The following CPLX2 variants were observed in gnomAD, a reference collection of about 807,000 sequenced individuals.
CPLX2 encodes the protein complexin-2.
CPLX2 carries 5 observed loss-of-function variants against 16.3 expected under a neutral mutation model. The observed-to-expected ratio is 0.31, with a 90% CI of 0.16 to 0.64. CPLX2 has a LOEUF of 0.64. Among genes scored for constraint, CPLX2 ranks in the 30% least tolerant of loss-of-function variants. CPLX2 has a pLI of 0.79. For missense variants in CPLX2, 144 were observed against 181.4 expected, an observed-to-expected ratio of 0.79 and a Z score of 1.18; for synonymous variants, 89 against 73.2, an observed-to-expected ratio of 1.22 and a Z score of -1.10.
intron 2 of CPLX2, among the ~76,000 whole-genome samples, chr5:175,864,652 G>C (rs1016739385): frequency 6.6e-6 from 1 of 152,136 alleles, no homozygotes; most frequent in African/African-American, 2.4e-5. Context: ...AGAAACTCTG[G>C]AACTTCTTGT....
chr5:175,878,581 C>T (rs1755469875), intron 1 of CPLX2, 71 bp from the exon 2 acceptor site: 2 of 749,120 alleles, frequency 2.7e-6, no homozygotes, highest in South Asian at 1.7e-5. Context: ...GGTGAGGCTG[C>T]TGTCTGCCTA....
chr5:175,864,706 A>C (rs763389679), intron 2 of CPLX2, among the ~76,000 whole-genome samples: 2 of 152,086 alleles, frequency 1.3e-5, no homozygotes, highest in Non-Finnish European at 2.9e-5. Flanking sequence ...TAGGCTCTCC[A>C]TATATGTTAG....
chr5:175,806,299 T>C (rs901975717), intron 1 of CPLX2, among the ~76,000 whole-genome samples: 1 of 152,036 alleles, frequency 6.6e-6, no homozygotes, highest in Non-Finnish European at 1.5e-5. Context: ...TCCTTCTGCC[T>C]GGAAAGCCCT....
intron 2 of CPLX2, among the ~76,000 whole-genome samples, chr5:175,864,271 C>T (rs1214216121): frequency 6.6e-6 from 1 of 152,186 alleles, no homozygotes; most frequent in Non-Finnish European, 1.5e-5. Flanking sequence ...CCTGTCTTTA[C>T]GTGGCCAGTG....
Position 175,883,691 on chromosome 5 carries a change from C to G in CPLX2, c.*3646C>G, listed in dbSNP as rs563502785. 24 of 152,640 alleles carry G rather than the reference C, an allele frequency of 1.6e-4. No individual in the cohort carries two copies. Among genetic ancestry groups the G allele is most frequent in the Non-Finnish European group, 2.9e-5 (2 of 68,180 alleles). The allele number at this position is 152,640 out of a possible 1,614,324, so 9.5% of individuals were successfully genotyped here. On this transcript the variant is annotated 3_prime_UTR_variant, in exon 4 of 4. Coordinates refer to ENST00000393745, the MANE Select transcript of CPLX2 (RefSeq NM_001008220.2). Reference sequence around the variant, plus strand: ...TGCCTCCCACCAAATGTCCCCTGCTCCAGTCCCACTCCTGTCACCCCACGC... The same window carrying G: ...TGCCTCCCACCAAATGTCCCCTGCTGCAGTCCCACTCCTGTCACCCCACGC...
At chr5:175,854,624 T>C (rs1439206214) in intron 2 of CPLX2, among the ~76,000 whole-genome samples, 1 of 152,058 alleles carries the variant, frequency 6.6e-6, no homozygotes, top group African/African-American at 2.4e-5. Context: ...TTAGCACTAC[T>C]CAAGGCATGC....
At chr5:175,832,662 C>T (rs1486875600) in intron 2 of CPLX2, among the ~76,000 whole-genome samples, 1 of 152,124 alleles carries the variant, frequency 6.6e-6, no homozygotes, top group Non-Finnish European at 1.5e-5. Flanking sequence ...ATCTTCCAAA[C>T]CCAGCAGGTT....
intron 2 of CPLX2, among the ~76,000 whole-genome samples, chr5:175,816,590 C>G (rs911298535): frequency 6.6e-6 from 1 of 152,232 alleles, no homozygotes; most frequent in Non-Finnish European, 1.5e-5. Flanking sequence ...ACTGAGTTCA[C>G]GTTCTTGCAG....
At chr5:175,803,662 G>A (rs1049711422) in intron 1 of CPLX2, among the ~76,000 whole-genome samples, 2 of 152,220 alleles carry the variant, frequency 1.3e-5, no homozygotes, top group African/African-American at 4.8e-5. Context: ...GGACCTTGAA[G>A]GCTGAGGGAG....
intron 2 of CPLX2, among the ~76,000 whole-genome samples, chr5:175,847,764 G>A (rs1759075695): frequency 6.6e-6 from 1 of 152,162 alleles, no homozygotes; most frequent in South Asian, 2.1e-4. Context: ...AGTTAACCCT[G>A]GCTTCCCCGA....
chr5:175,867,147 T>G (rs1259141500), upstream of CPLX2, among the ~76,000 whole-genome samples: 1 of 152,090 alleles, frequency 6.6e-6, no homozygotes, highest in Admixed American at 6.5e-5. Flanking sequence ...GCCAGCAAGT[T>G]GGATTAATCA....
At chr5:175,870,732 A>C (rs1416250630), upstream of CPLX2, among the ~76,000 whole-genome samples, 1 of 152,218 alleles carries the variant, frequency 6.6e-6, no homozygotes, top group Non-Finnish European at 1.5e-5. Context: ...ATAGGAGGAA[A>C]AGAAATGGCC....
At chr5:175,831,416 C>T (rs967578179) in intron 2 of CPLX2, among the ~76,000 whole-genome samples, 1 of 152,168 alleles carries the variant, frequency 6.6e-6, no homozygotes, top group Non-Finnish European at 1.5e-5. Flanking sequence ...CTCAGTCACC[C>T]CATTCAGGCT....
upstream of CPLX2, chr5:175,871,438 A>AGAGAGAGAGAGAGAGAGAGAGG (rs1759601512): frequency 1.5e-4 from 8 of 53,750 alleles, no homozygotes; most frequent in Non-Finnish European, 3.3e-4. Context: ...AGAGACAGAG[A>AGAGAGAGAGAGAGAGAGAGAGG]GAGAGAGAGA....
rs1322668066 is a variant in CPLX2, at chr5:175,877,500, T to C, written c.-88-1152T>C. On this transcript the variant is annotated intron_variant, in intron 1 of 3. Coordinates refer to ENST00000393745, the MANE Select transcript of CPLX2 (RefSeq NM_001008220.2). Reference sequence around the variant, plus strand: ...GAACCCTTTTTCTTCCTTGCAAGGCTGTGTGGGACAAAAGGCCTTGGGGAG... The same window carrying C: ...GAACCCTTTTTCTTCCTTGCAAGGCCGTGTGGGACAAAAGGCCTTGGGGAG... 2.0e-5 allele frequency among the ~76,000 whole-genome samples: 3 copies of C among 152,200 alleles called. No individual in the cohort carries two copies. The East Asian group carries it at 5.8e-4, about 29-fold the overall frequency.
intron 2 of CPLX2, among the ~76,000 whole-genome samples, chr5:175,847,885 C>T (rs1329026691): frequency 6.6e-6 from 1 of 152,228 alleles, no homozygotes; most frequent in African/African-American, 2.4e-5. Flanking sequence ...GAGGTTCAAG[C>T]TTTCTCAGCT....
At chr5:175,828,052 C>G (rs1758652402) in intron 2 of CPLX2, among the ~76,000 whole-genome samples, 1 of 152,176 alleles carries the variant, frequency 6.6e-6, no homozygotes. Flanking sequence ...TATTCGGATG[C>G]TTTTATTTGC....
upstream of CPLX2, among the ~76,000 whole-genome samples, chr5:175,869,805 T>C (rs945632746): frequency 2.0e-5 from 3 of 152,114 alleles, no homozygotes; most frequent in African/African-American, 4.8e-5. Flanking sequence ...CATCTTAAAG[T>C]GTGGTGTCCA....
chr5:175,829,393 C>A (rs1758686588), intron 2 of CPLX2, among the ~76,000 whole-genome samples: 1 of 152,154 alleles, frequency 6.6e-6, no homozygotes, highest in Admixed American at 6.5e-5. Flanking sequence ...GGGAAGAAGG[C>A]CCCGCTCCCC....
Sources: allele counts gnomAD v4.1 joint callset (sites outside exome capture counted in the v4.1 genomes callset), GRCh38; gene constraint gnomAD v4.1.1; transcripts MANE v1.5; gene names NCBI Gene and HGNC (gene_info 2026-07-23, HGNC 2026-07-21).